The following RAE1 variants were observed in gnomAD, a reference collection of about 807,000 sequenced individuals.
The protein encoded by RAE1 is ribonucleic acid export 1.
RAE1 carries 13 observed loss-of-function variants against 52.7 expected under a neutral mutation model. The observed-to-expected ratio is 0.25, with a 90% confidence interval of 0.16 to 0.39. The LOEUF (loss-of-function observed/expected upper bound fraction) is 0.39. Ranked by LOEUF, RAE1 falls within the 10% of genes least tolerant of loss-of-function variation. The probability of loss-of-function intolerance (pLI) is 1.00; values close to 1 mark genes in which losing one functional copy is unlikely to be tolerated. For missense variants in RAE1, 262 were observed against 459.8 expected, an observed-to-expected ratio of 0.57 and a Z score of 3.93; for synonymous variants, 164 against 153.1, an observed-to-expected ratio of 1.07 and a Z score of -0.52.
rs781150767 is a variant in RAE1, at chr20:57,354,136, G to A, written c.90+8G>A. Reference sequence around the variant, plus strand: ...AATCACAATCCCATGAAGGTACCACGAAAAGCTTCCTGGGGCTTGTAGGAA... The same window carrying A: ...AATCACAATCCCATGAAGGTACCACAAAAAGCTTCCTGGGGCTTGTAGGAA... On this transcript the variant is annotated splice_region_variant and intron_variant, in intron 2 of 11. Coordinates refer to ENST00000395841, the MANE Select transcript of RAE1 (RefSeq NM_003610.4). 10 of 1,611,100 alleles carry A rather than the reference G, an allele frequency of 6.2e-6. No homozygotes were observed. In the East Asian group the frequency reaches 8.9e-5, roughly 14 times the overall value.
chr20:57,365,482 AC>A, intron 5 of RAE1, 40 bp downstream of exon 5: 1 of 1,406,660 alleles, frequency 7.1e-7, no homozygotes, highest in Non-Finnish European at 9.8e-7. Flanking sequence ...CACAACTGGT[AC>A]CCAGGACTGT....
intron 4 of RAE1, chr20:57,358,702 T>A (rs75466433): frequency 3.4e-6 from 1 of 292,144 alleles, no homozygotes; most frequent in African/African-American, 2.2e-5. Flanking sequence ...GGTCGTAAAC[T>A]CTATTGTCGA....
chr20:57,370,494 G>C (rs1055272671), intron 8 of RAE1, among the ~76,000 whole-genome samples: 2 of 152,082 alleles, frequency 1.3e-5, no homozygotes, highest in African/African-American at 2.4e-5. Context: ...ATCCACTGTC[G>C]CTCAGCCACG....
rs2146165069 is a variant in RAE1, at chr20:57,368,791, A to G, written c.621A>G (p.Ile207Met). The change falls in exon 8 of 12, where the codon ATA (isoleucine) becomes ATG (methionine). Residue 207 changes from isoleucine (I) to methionine (M), a missense_variant. Physicochemically the swap from Ile to Met is conservative, Grantham distance 10. Coordinates refer to ENST00000395841, the MANE Select transcript of RAE1 (RefSeq NM_003610.4). ...ATCAACCTTCTGAATTCAGGAGGAT[A>G]GAATCTCCACTGAAACATCAGGTGC... ...LENQPSEFRR[I>M]ESPLKHQHRC... The G allele has an allele frequency of 6.2e-7, 1 of 1,612,564 alleles. No individual in the cohort carries two copies. Among genetic ancestry groups the G allele is most frequent in the East Asian group, 2.2e-5 (1 of 44,880 alleles).
chr20:57,367,189 G>T (rs2066967506), intron 7 of RAE1, 110 bp downstream of exon 7: 2 of 957,284 alleles, frequency 2.1e-6, no homozygotes, highest in African/African-American at 3.3e-5. Flanking sequence ...AATCCTGCTA[G>T]CTTTAGTAAT....
In RAE1 at chr20:57,373,753, A is replaced by T; in HGVS notation, c.825+15A>T. On this transcript the variant is annotated intron_variant, in intron 10 of 11. Coordinates refer to ENST00000395841, the MANE Select transcript of RAE1 (RefSeq NM_003610.4). The stretch of plus-strand genomic sequence containing the variant: ...ACATTTATGCGGTACGTTTTTAGAC[A>T]CTTTAACCGTGGTAATACATCTGGA... The T allele has an allele frequency of 6.2e-7, 1 of 1,607,950 alleles. No homozygotes were observed. Among genetic ancestry groups the T allele is most frequent in the Non-Finnish European group, 8.5e-7 (1 of 1,174,502 alleles).
rs955719345 is a variant in RAE1, at chr20:57,351,920, G to A, written c.-8+498G>A. ...CACCGTACAGGCAGTACTTCTCCAG[G>A]CAAGTAGTATTAAACACCAGCCGCC... On this transcript the variant is annotated intron_variant, in intron 1 of 11. Coordinates refer to ENST00000395841, the MANE Select transcript of RAE1 (RefSeq NM_003610.4). 39 of 985,334 alleles carry A rather than the reference G, an allele frequency of 4.0e-5. No homozygotes were observed. In the African/African-American group the frequency reaches 6.6e-4, roughly 17 times the overall value. The allele number at this position is 985,334 out of a possible 1,614,324, so 61.0% of individuals were successfully genotyped here. A position where few individuals can be genotyped will look rare whatever the true frequency, so the allele number is the denominator to read the frequency against.
intron 4 of RAE1, chr20:57,359,103 G>T: frequency 1.7e-6 from 2 of 1,208,558 alleles, no homozygotes; most frequent in Non-Finnish European, 2.2e-6. Context: ...GGATACCACA[G>T]CTGTTGAATA....
At chr20:57,369,404 A>G (rs1353834650) in intron 8 of RAE1, among the ~76,000 whole-genome samples, 1 of 152,240 alleles carries the variant, frequency 6.6e-6, no homozygotes, top group Non-Finnish European at 1.5e-5. Flanking sequence ...CTTTAACGGC[A>G]TCAGACTGCA....
chr20:57,359,159 G>T (rs1212858174), intron 4 of RAE1: 2 of 593,916 alleles, frequency 3.4e-6, no homozygotes, highest in African/African-American at 1.9e-5. Context: ...AATGCTAGAG[G>T]TGATGTTTTT....
chr20:57,354,238 A>G, intron 2 of RAE1, 110 bp downstream of exon 2: 1 of 877,580 alleles, frequency 1.1e-6, no homozygotes, highest in South Asian at 1.6e-5. Flanking sequence ...GAAAGCTTTG[A>G]AACTTTGTCT....
rs567790848 is a variant in RAE1, at chr20:57,356,461, G to C, written c.211G>C (p.Val71Leu). ...GTTACTACAGGTTCGCTGCTGGGAA[G>C]TTCAAGACAGTGGACAGACCATTCC... Reference protein sequence around the residue: ...SWANDVRCWEVQDSGQTIPKA... With the variant: ...SWANDVRCWELQDSGQTIPKA... The change falls in exon 4 of 12, where the codon GTT becomes CTT. Residue 71 changes from valine (V) to leucine (L), a missense_variant. Transcript: ENST00000395841. The C allele has an allele frequency of 6.2e-7, 1 of 1,612,726 alleles. No homozygotes were observed. Among genetic ancestry groups the C allele is most frequent in the East Asian group, 2.2e-5 (1 of 44,870 alleles).
intron 2 of RAE1, 105 bp downstream of exon 2, chr20:57,354,233 C>A: frequency 1.1e-6 from 1 of 892,904 alleles, no homozygotes; most frequent in Non-Finnish European, 1.7e-6. Flanking sequence ...AGGCTGAAAG[C>A]TTTGAAACTT....
At chr20:57,364,928 G>A (rs1343142574) in intron 4 of RAE1, among the ~76,000 whole-genome samples, 1 of 152,188 alleles carries the variant, frequency 6.6e-6, no homozygotes, top group Non-Finnish European at 1.5e-5. Flanking sequence ...AAAGATAAAT[G>A]TGACAGAATG....
chr20:57,363,836 T>A (rs980956168), intron 4 of RAE1, among the ~76,000 whole-genome samples: 1 of 152,172 alleles, frequency 6.6e-6, no homozygotes, highest in Admixed American at 6.5e-5. Context: ...AAACTCATGA[T>A]CTCTTAGGAC....
rs140475249 is a variant in RAE1 at position 57,359,197 on chromosome 20, A to G, written c.288+2659A>G. 2.8e-3 allele frequency: 1,187 copies of G among 428,466 alleles called. 12 individuals carry two copies. Among genetic ancestry groups the G allele is most frequent in the African/African-American group, 0.021 (1,020 of 49,138 alleles). The allele number at this position is 428,466 out of a possible 1,614,324, so 26.5% of individuals were successfully genotyped here. A position where few individuals can be genotyped will look rare whatever the true frequency, so the allele number is the denominator to read the frequency against. Reference sequence around the variant, plus strand: ...TAAACAGGCGGGGTAAGATTTGCTGAGTTCCTTTTATTTTTTTGTAATGTT... The same window carrying G: ...TAAACAGGCGGGGTAAGATTTGCTGGGTTCCTTTTATTTTTTTGTAATGTT... On this transcript the variant is annotated intron_variant, in intron 4 of 11. Coordinates refer to ENST00000395841, the MANE Select transcript of RAE1 (RefSeq NM_003610.4).
chr20:57,374,724 G>C lies in RAE1; in HGVS notation c.943G>C (p.Asp315His), dbSNP rs933510491. ...AAAACTAAAAACTTCGGAACAGTTAGATCAGCCCATCTCAGCTTGCTGTTT... is the reference window on the plus strand; with the variant it reads ...AAAACTAAAAACTTCGGAACAGTTACATCAGCCCATCTCAGCTTGCTGTTT... ...RTKLKTSEQL[D>H]QPISACCFNH... The change falls in exon 11 of 12, where the codon GAT becomes CAT. Residue 315 changes from aspartate to histidine, a missense_variant. By Grantham distance (81) the Asp-to-His change is moderately conservative. Coordinates refer to ENST00000395841, the MANE Select transcript of RAE1 (RefSeq NM_003610.4). 5.6e-6 allele frequency: 9 copies of C among 1,614,118 alleles called. No homozygotes were observed. Among genetic ancestry groups the C allele is most frequent in the Non-Finnish European group, 6.8e-6 (8 of 1,180,056 alleles).
At chr20:57,368,564 C>A (rs1173784071) in intron 7 of RAE1, 141 bp from the exon 8 acceptor site, 1 of 557,668 alleles carries the variant, frequency 1.8e-6, no homozygotes, top group South Asian at 2.8e-5. Context: ...AATACTATTT[C>A]TCTAGGTTTT....
rs1343247703 is a variant in RAE1 at position 57,368,806 on chromosome 20, A to G, written c.636A>G (p.Lys212=). The G allele has an allele frequency of 5.6e-6, 9 of 1,609,198 alleles. No individual in the cohort carries two copies. The highest frequency in any genetic ancestry group is 7.7e-6 in the Non-Finnish European group (9 of 1,176,444). ...SEFRRIESPL[K]HQHRCVAIFK... ...TCAGGAGGATAGAATCTCCACTGAA[A>G]CATCAGGTGCGTCATTAGTCAAATC... The change falls in exon 8 of 12, where the codon AAA becomes AAG. Residue 212 remains lysine (K), a synonymous_variant. Transcript: ENST00000395841.
Sources: allele counts gnomAD v4.1 joint callset (sites outside exome capture counted in the v4.1 genomes callset), GRCh38; gene constraint gnomAD v4.1.1; transcripts MANE v1.5; gene names NCBI Gene and HGNC (gene_info 2026-07-23, HGNC 2026-07-21).